The following NFIB variants were observed in gnomAD, a reference collection of about 807,000 sequenced individuals.
NFIB encodes the protein nuclear factor I B, also known as nuclear factor 1 B-type.
A neutral mutation model predicts 61.5 loss-of-function variants in NFIB; 11 were observed. That is an observed-to-expected ratio of 0.18 (90% confidence interval 0.11 to 0.30). The LOEUF (loss-of-function observed/expected upper bound fraction) is 0.30, where lower values mean the gene tolerates loss of function less well. Among genes scored for constraint, NFIB ranks in the 10% least tolerant of loss-of-function variants. The probability of loss-of-function intolerance (pLI) is 1.00; values close to 1 mark genes in which losing one functional copy is unlikely to be tolerated. For synonymous variants in NFIB, 260 were observed against 216.5 expected (o/e 1.20, Z -1.76); for missense variants, 471 against 608.9 (o/e 0.77, Z 2.38).
chr9:14,500,512 T>C, the NFIB span, among the ~76,000 whole-genome samples: 1 of 152,186 alleles, frequency 6.6e-6, no homozygotes, highest in Non-Finnish European at 1.5e-5. Flanking sequence ...TGTGGATCAG[T>C]TCCCTCTTTT....
At chr9:14,304,795 T>C (rs1186166855) in intron 2 of NFIB, among the ~76,000 whole-genome samples, 4 of 152,254 alleles carry the variant, frequency 2.6e-5, no homozygotes, top group African/African-American at 9.6e-5. Context: ...AATTATCTTT[T>C]AAAATCTGCC....
intron 2 of NFIB, among the ~76,000 whole-genome samples, chr9:14,289,249 TACAC>T (rs1051017299): frequency 6.7e-6 from 1 of 149,274 alleles, no homozygotes; most frequent in Admixed American, 6.7e-5. Context: ...TGCATACACA[TACAC>T]ACACACACAT....
chr9:14,485,185 G>C, the NFIB span, among the ~76,000 whole-genome samples: 1 of 152,072 alleles, frequency 6.6e-6, no homozygotes, highest in Non-Finnish European at 1.5e-5. Context: ...AATTTGGAGG[G>C]GACAAAATTC....
intron 2 of NFIB, among the ~76,000 whole-genome samples, chr9:14,223,863 G>A (rs537269409): frequency 6.6e-6 from 1 of 152,230 alleles, no homozygotes; most frequent in African/African-American, 2.4e-5. Context: ...AAGGGCAACG[G>A]TTTGTTTCCT....
intron 1 of NFIB, among the ~76,000 whole-genome samples, chr9:14,334,311 G>A (rs2060858270): frequency 6.6e-6 from 1 of 152,180 alleles, no homozygotes; most frequent in Non-Finnish European, 1.5e-5. Flanking sequence ...CAAAGTGGAT[G>A]TAGTAATTTA....
intron 1 of NFIB, among the ~76,000 whole-genome samples, chr9:14,385,261 G>A (rs376652158): frequency 2.3e-4 from 35 of 152,112 alleles, no homozygotes; most frequent in Non-Finnish European, 3.8e-4. Flanking sequence ...AGATCAGGCC[G>A]CATAGTAACT....
chr9:14,172,873 G>A (rs919075588), intron 3 of NFIB, among the ~76,000 whole-genome samples: 6 of 151,804 alleles, frequency 4.0e-5, no homozygotes, highest in African/African-American at 1.5e-4. Context: ...AGGTTCAAGC[G>A]ATTCTCCTGC....
intron 2 of NFIB, among the ~76,000 whole-genome samples, chr9:14,254,244 C>A (rs1338463543): frequency 6.6e-6 from 1 of 151,782 alleles, no homozygotes; most frequent in African/African-American, 2.4e-5. Context: ...GAGGTTGCAG[C>A]GAGCCATGAT....
At chr9:14,455,793 C>A in the NFIB span, among the ~76,000 whole-genome samples, 155 of 151,972 alleles carry the variant, frequency 1.0e-3, 1 homozygote, top group African/African-American at 3.3e-3. Flanking sequence ...CTAGAAAATT[C>A]TAAATTCACT....
rs2032616702 is a variant in NFIB at position 14,084,967 on chromosome 9, A to T, written c.*3342T>A. ...TGGTTAGCTAGAACTGCTCACTGGC[A>T]AAAAAGAGAGCGAGTCTGCCTTTAA... On this transcript the variant is annotated 3_prime_UTR_variant, in exon 11 of 11. Transcript: ENST00000380953. 1 of 229,730 alleles carries T rather than the reference A, an allele frequency of 4.4e-6. No individual in the cohort carries two copies. Among genetic ancestry groups the T allele is most frequent in the Non-Finnish European group, 8.6e-6 (1 of 115,656 alleles). 14.2% of individuals were successfully genotyped at this position (229,730 alleles called of 1,614,324 possible). A position where few individuals can be genotyped will look rare whatever the true frequency, so the allele number is the denominator to read the frequency against.
the NFIB span, among the ~76,000 whole-genome samples, chr9:14,457,730 T>C: frequency 1.3e-5 from 2 of 152,086 alleles, no homozygotes; most frequent in South Asian, 2.1e-4. Flanking sequence ...CAGAGAATAC[T>C]ATAAACACCT....
the NFIB span, among the ~76,000 whole-genome samples, chr9:14,472,733 C>G: frequency 6.6e-6 from 1 of 151,368 alleles, no homozygotes; most frequent in African/African-American, 2.4e-5. Flanking sequence ...CCCAGCTACT[C>G]GGGAGGCTGA....
At chr9:14,146,280 A>C (rs2042268315) in intron 6 of NFIB, among the ~76,000 whole-genome samples, 1 of 152,166 alleles carries the variant, frequency 6.6e-6, no homozygotes, top group South Asian at 2.1e-4. Context: ...AGGTTCCTTT[A>C]AATGACAACT....
chr9:14,520,982 A>G, the NFIB span, among the ~76,000 whole-genome samples: 1,306 of 152,294 alleles, frequency 8.6e-3, 12 homozygotes, highest in Non-Finnish European at 0.013. Flanking sequence ...AGGGACATCC[A>G]TCTGGTTCTT....
intron 3 of NFIB, among the ~76,000 whole-genome samples, chr9:14,161,593 T>C (rs947468973): frequency 6.6e-6 from 1 of 152,070 alleles, no homozygotes; most frequent in Non-Finnish European, 1.5e-5. Flanking sequence ...TCTGTCCTTT[T>C]AGATAAAGTT....
At chr9:14,481,666 C>T in the NFIB span, among the ~76,000 whole-genome samples, 2 of 152,136 alleles carry the variant, frequency 1.3e-5, no homozygotes, top group Admixed American at 6.5e-5. Flanking sequence ...GTTTCCCCAT[C>T]TCCATGGCCA....
chr9:14,469,280 A>T, the NFIB span, among the ~76,000 whole-genome samples: 6 of 152,190 alleles, frequency 3.9e-5, no homozygotes, highest in Non-Finnish European at 1.5e-5. Context: ...CAACTTGAAA[A>T]GTTACTGTGA....
At chr9:14,429,999 T>A in the NFIB span, among the ~76,000 whole-genome samples, 1 of 152,252 alleles carries the variant, frequency 6.6e-6, no homozygotes, top group South Asian at 2.1e-4. Context: ...AATGTTAATT[T>A]CCTTTATTTA....
intron 1 of NFIB, among the ~76,000 whole-genome samples, chr9:14,395,784 A>C (rs1303535929): frequency 8.7e-6 from 1 of 114,788 alleles, no homozygotes; most frequent in Admixed American, 1.3e-4. Flanking sequence ...AGAATGCCTC[A>C]TTTGGTGACA....
Sources: gnomAD v4.1 joint callset for allele counts (sites outside exome capture counted in the v4.1 genomes callset) on GRCh38, gnomAD v4.1.1 for gene constraint, MANE v1.5 for transcripts, NCBI Gene and HGNC (gene_info 2026-07-23, HGNC 2026-07-21) for gene names.